Variants in CNTNAP2 observed in about 807,000 individuals in gnomAD.
The protein encoded by CNTNAP2 is contactin-associated protein-like 2.
CNTNAP2 carries 98 observed loss-of-function variants against 155.2 expected under a neutral mutation model. The ratio of observed to expected loss-of-function variants is 0.63; its 90% CI spans 0.54 to 0.75. The LOEUF is 0.75. Ranked by LOEUF, CNTNAP2 falls within the 30% of genes least tolerant of loss-of-function variation. The probability of loss-of-function intolerance (pLI) is 0.00; values close to 1 mark genes in which losing one functional copy is unlikely to be tolerated. For missense variants in CNTNAP2, 1,727 were observed against 1,688.1 expected, an observed-to-expected ratio of 1.02 and a Z score of -0.40; for synonymous variants, 651 against 631.2, an observed-to-expected ratio of 1.03 and a Z score of -0.47.
intron 8 of CNTNAP2, among the ~76,000 whole-genome samples, chr7:147,202,076 A>G (rs1299566922): frequency 6.6e-6 from 1 of 152,158 alleles, no homozygotes; most frequent in Non-Finnish European, 1.5e-5. Flanking sequence ...AAAATAAACC[A>G]ATACTTTATT....
At chr7:147,602,518 T>C (rs1260090437) in intron 12 of CNTNAP2, among the ~76,000 whole-genome samples, 1 of 151,618 alleles carries the variant, frequency 6.6e-6, no homozygotes, top group East Asian at 1.9e-4. Context: ...CTTTAAGTTT[T>C]AGGGTACATG....
At chr7:146,238,609 A>G (rs73739592) in intron 1 of CNTNAP2, among the ~76,000 whole-genome samples, 2 of 152,198 alleles carry the variant, frequency 1.3e-5, no homozygotes, top group Non-Finnish European at 2.9e-5. Flanking sequence ...AAGTATGGTC[A>G]TAACAGAGGG....
intron 20 of CNTNAP2, among the ~76,000 whole-genome samples, chr7:148,246,832 G>A (rs1417085059): frequency 1.3e-5 from 2 of 152,280 alleles, no homozygotes; most frequent in Non-Finnish European, 2.9e-5. Flanking sequence ...ATAAACACAA[G>A]ATTAGGCTAC....
intron 4 of CNTNAP2, among the ~76,000 whole-genome samples, chr7:147,063,259 T>C (rs1200127248): frequency 6.6e-6 from 1 of 152,196 alleles, no homozygotes; most frequent in Non-Finnish European, 1.5e-5. Flanking sequence ...GGGTGGACTT[T>C]GAGTGTGAGC....
intron 14 of CNTNAP2, among the ~76,000 whole-genome samples, chr7:147,950,791 C>T (rs150520915): frequency 7.9e-4 from 120 of 152,320 alleles, no homozygotes; most frequent in African/African-American, 2.8e-3. Context: ...AGATAAATCT[C>T]CAGGGGAAAG....
chr7:148,098,178 G>A (rs990240456), intron 15 of CNTNAP2, among the ~76,000 whole-genome samples: 1 of 152,082 alleles, frequency 6.6e-6, no homozygotes, highest in Non-Finnish European at 1.5e-5. Flanking sequence ...GGGCGCAGTG[G>A]CTCACGCCTG....
At chr7:147,396,827 T>G (rs1279961291) in intron 10 of CNTNAP2, among the ~76,000 whole-genome samples, 2 of 152,030 alleles carry the variant, frequency 1.3e-5, no homozygotes, top group African/African-American at 2.4e-5. Context: ...AATTTTGTGT[T>G]TAGGGAAGAT....
At chr7:147,597,805 C>A (rs558335416) in intron 12 of CNTNAP2, among the ~76,000 whole-genome samples, 1 of 152,276 alleles carries the variant, frequency 6.6e-6, no homozygotes, top group African/African-American at 2.4e-5. Context: ...CCTGATAGTT[C>A]GGAAACGTGT....
intron 13 of CNTNAP2, among the ~76,000 whole-genome samples, chr7:147,767,202 G>T (rs951156979): frequency 2.0e-5 from 3 of 152,068 alleles, no homozygotes; most frequent in Admixed American, 6.6e-5. Flanking sequence ...TATGTAAACA[G>T]AATTTTGAAT....
At chr7:147,075,503 A>G (rs892437987) in intron 4 of CNTNAP2, among the ~76,000 whole-genome samples, 1 of 152,156 alleles carries the variant, frequency 6.6e-6, no homozygotes, top group Admixed American at 6.6e-5. Context: ...TTTGGGGAGT[A>G]ATATTTTGAA....
chr7:147,831,063 A>C (rs1339432059), intron 13 of CNTNAP2, among the ~76,000 whole-genome samples: 1 of 152,218 alleles, frequency 6.6e-6, no homozygotes, highest in Admixed American at 6.6e-5. Context: ...ATTAAGCATG[A>C]GAGTTAATAA....
chr7:146,940,830 T>TAGAG (rs150681710), intron 3 of CNTNAP2, among the ~76,000 whole-genome samples: 50,552 of 151,388 alleles, frequency 0.33, 8,794 homozygotes, highest in Middle Eastern at 0.37. Context: ...TATATACATA[T>TAGAG]AGAGAGAAAG....
chr7:148,153,390 A>G (rs1805342075), intron 17 of CNTNAP2, among the ~76,000 whole-genome samples: 1 of 152,234 alleles, frequency 6.6e-6, no homozygotes, highest in African/African-American at 2.4e-5. Context: ...TAACAAATAC[A>G]TTTAAAAACT....
intron 3 of CNTNAP2, among the ~76,000 whole-genome samples, chr7:146,932,402 A>C (rs942118297): frequency 3.3e-5 from 5 of 151,732 alleles, no homozygotes; most frequent in African/African-American, 1.2e-4. Flanking sequence ...CATGCTAAAA[A>C]CTCTCAATAA....
chr7:148,182,788 T>C (rs1379477542), intron 18 of CNTNAP2, among the ~76,000 whole-genome samples: 5 of 152,236 alleles, frequency 3.3e-5, no homozygotes, highest in Non-Finnish European at 5.9e-5. Context: ...ATTTTAAATG[T>C]ATTACCTTCA....
At chr7:147,082,196 C>G (rs1800148184) in intron 4 of CNTNAP2, 1 of 152,174 alleles carries the variant, frequency 6.6e-6, no homozygotes, top group African/African-American at 2.4e-5. Context: ...TTAGCATTTA[C>G]AAATTAATTG....
intron 10 of CNTNAP2, among the ~76,000 whole-genome samples, chr7:147,432,605 T>C (rs1228726667): frequency 6.6e-6 from 1 of 152,204 alleles, no homozygotes; most frequent in Non-Finnish European, 1.5e-5. Context: ...GAAACCCCAT[T>C]TGGACCTTGC....
chr7:148,129,253 T>C (rs797004912), intron 16 of CNTNAP2, among the ~76,000 whole-genome samples: 6 of 152,130 alleles, frequency 3.9e-5, no homozygotes, highest in African/African-American at 1.2e-4. Flanking sequence ...TTTAGGACAA[T>C]AAAAAGAAAG....
At chr7:147,961,625 C>T (rs532742753) in intron 14 of CNTNAP2, among the ~76,000 whole-genome samples, 3 of 152,062 alleles carry the variant, frequency 2.0e-5, no homozygotes, top group Non-Finnish European at 2.9e-5. Context: ...ATATTAAAAC[C>T]TTTACTTCCA....
Sources: gnomAD v4.1 joint callset for allele counts (sites outside exome capture counted in the v4.1 genomes callset) on GRCh38, gnomAD v4.1.1 for gene constraint, MANE v1.5 for transcripts, NCBI Gene and HGNC (gene_info 2026-07-23, HGNC 2026-07-21) for gene names.